The following DRC11 variants were observed in gnomAD, a reference collection of about 807,000 sequenced individuals.
The protein encoded by DRC11 is dynein regulatory complex subunit 11, also known as IQ and AAA domain-containing protein 1.
the DRC11 span, among the ~76,000 whole-genome samples, chr2:236,489,352 C>T: frequency 5.5e-3 from 683 of 124,392 alleles, 15 homozygotes; most frequent in African/African-American, 0.02. Context: ...GTGTGGGCTC[C>T]GGGTACATGC....
chr2:236,399,342 G>T, the DRC11 span: 2 of 1,214,942 alleles, frequency 1.6e-6, no homozygotes, highest in Non-Finnish European at 2.4e-6. The surrounding 1 kb of genome is among the most constrained non-coding windows in gnomAD (Gnocchi z 7.0). Context: ...GTGGCATACA[G>T]CAGCCTCCCG....
At chr2:236,347,774 G>C in the DRC11 span, among the ~76,000 whole-genome samples, 1 of 151,460 alleles carries the variant, frequency 6.6e-6, no homozygotes, top group African/African-American at 2.4e-5. Context: ...TCAGGTGATG[G>C]ATGCACCAAA....
the DRC11 span, among the ~76,000 whole-genome samples, chr2:236,480,823 T>G: frequency 6.6e-6 from 1 of 152,252 alleles, no homozygotes; most frequent in Non-Finnish European, 1.5e-5. Context: ...AATTAGTTAT[T>G]TATTCCAGTC....
the DRC11 span, among the ~76,000 whole-genome samples, chr2:236,426,085 C>G: frequency 8.2e-3 from 1,249 of 151,938 alleles, 11 homozygotes; most frequent in Non-Finnish European, 9.6e-3. The surrounding 1 kb of genome is among the most constrained non-coding windows in gnomAD (Gnocchi z 4.1). Flanking sequence ...TAGCTTTGTT[C>G]TTTTAGCTCA....
chr2:236,349,647 C>T, the DRC11 span, among the ~76,000 whole-genome samples: 2 of 152,194 alleles, frequency 1.3e-5, no homozygotes, highest in Admixed American at 1.3e-4. This position sits in a 1 kb window ranked among gnomAD's most constrained non-coding sequence, Gnocchi z 5.5. Flanking sequence ...ACCACTTATT[C>T]TCACTTATAA....
chr2:236,341,805 C>T, the DRC11 span, among the ~76,000 whole-genome samples: 1 of 152,208 alleles, frequency 6.6e-6, no homozygotes. Flanking sequence ...CCCAGCATGA[C>T]CCGAGAGCAG....
the DRC11 span, among the ~76,000 whole-genome samples, chr2:236,389,092 G>A: frequency 1.1e-4 from 17 of 152,172 alleles, no homozygotes; most frequent in Non-Finnish European, 1.5e-5. Context: ...ATTTAAGTCT[G>A]CAGAGGTTAC....
the DRC11 span, among the ~76,000 whole-genome samples, chr2:236,312,913 G>A: frequency 6.6e-6 from 1 of 152,142 alleles, no homozygotes; most frequent in Non-Finnish European, 1.5e-5. Flanking sequence ...AAGATATAGT[G>A]AAAAACTTTA....
At chr2:236,387,818 G>GT in the DRC11 span, among the ~76,000 whole-genome samples, 5 of 152,076 alleles carry the variant, frequency 3.3e-5, no homozygotes, top group African/African-American at 1.2e-4. Context: ...TCCTTTCCAT[G>GT]TTTAGTGCTT....
chr2:236,384,025 T>C, the DRC11 span, among the ~76,000 whole-genome samples: 2 of 152,202 alleles, frequency 1.3e-5, no homozygotes, highest in East Asian at 1.9e-4. Context: ...TAGTATTCCA[T>C]GGTGTATATG....
chr2:236,458,251 A>C, the DRC11 span, among the ~76,000 whole-genome samples: 12 of 152,202 alleles, frequency 7.9e-5, no homozygotes, highest in Admixed American at 2.0e-4. Context: ...TTAAATTGCA[A>C]TATTTGACAA....
At chr2:236,485,116 C>G in the DRC11 span, among the ~76,000 whole-genome samples, 2 of 152,156 alleles carry the variant, frequency 1.3e-5, no homozygotes, top group African/African-American at 4.8e-5. Flanking sequence ...CTTCCCTAGA[C>G]AGTTTTCTCT....
chr2:236,329,122 C>G, the DRC11 span, among the ~76,000 whole-genome samples: 3 of 152,222 alleles, frequency 2.0e-5, no homozygotes, highest in Admixed American at 6.5e-5. Flanking sequence ...TCAGACTGCT[C>G]TCTCTGGTTT....
the DRC11 span, among the ~76,000 whole-genome samples, chr2:236,350,484 C>T: frequency 1.3e-5 from 2 of 152,226 alleles, no homozygotes; most frequent in African/African-American, 4.8e-5. This position sits in a 1 kb window ranked among gnomAD's most constrained non-coding sequence, Gnocchi z 5.2. Flanking sequence ...GCTCTGGCGT[C>T]CAGGACACCA....
chr2:236,366,216 A>C, the DRC11 span, among the ~76,000 whole-genome samples: 27,793 of 152,014 alleles, frequency 0.18, 2,790 homozygotes, highest in Non-Finnish European at 0.23. Flanking sequence ...CTCTTCTCTA[A>C]CAAGGTGGTT....
chr2:236,309,093 G>C, the DRC11 span, among the ~76,000 whole-genome samples: 2 of 152,176 alleles, frequency 1.3e-5, no homozygotes, highest in Non-Finnish European at 2.9e-5. The surrounding 1 kb of genome is among the most constrained non-coding windows in gnomAD (Gnocchi z 5.7). Flanking sequence ...ACCCACAAGA[G>C]AGGCATCAGA....
At chr2:236,357,800 TATAA>T in the DRC11 span, among the ~76,000 whole-genome samples, 66 of 126,532 alleles carry the variant, frequency 5.2e-4, 1 homozygote, top group Admixed American at 7.6e-4. Flanking sequence ...ACATATACTA[TATAA>T]ATATAGAATA....
At chr2:236,434,793 C>T in the DRC11 span, among the ~76,000 whole-genome samples, 3 of 152,162 alleles carry the variant, frequency 2.0e-5, no homozygotes, top group African/African-American at 7.2e-5. This position sits in a 1 kb window ranked among gnomAD's most constrained non-coding sequence, Gnocchi z 5.5. Flanking sequence ...ATCCTATAAT[C>T]GCTACCTTTC....
the DRC11 span, among the ~76,000 whole-genome samples, chr2:236,491,561 C>T: frequency 6.6e-5 from 10 of 152,106 alleles, no homozygotes; most frequent in South Asian, 2.1e-4. Context: ...GTGAGTGCAA[C>T]GTAATCTCCC....
Sources: gnomAD v4.1 joint callset for allele counts (sites outside exome capture counted in the v4.1 genomes callset) on GRCh38, gnomAD v4.1.1 for gene constraint, Gnocchi (gnomAD v3.1) non-coding constraint, MANE v1.5 for transcripts, NCBI Gene and HGNC (gene_info 2026-07-23, HGNC 2026-07-21) for gene names.